The following LOC122539214 variants were observed in gnomAD, a reference collection of about 807,000 sequenced individuals.
At chr19:52,654,370 G>A in the LOC122539214 span, 2 of 1,227,030 alleles carry the variant, frequency 1.6e-6, no homozygotes, top group Non-Finnish European at 2.3e-6. Context: ...GTGCCCTGTT[G>A]ATGAGAACTC....
the LOC122539214 span, among the ~76,000 whole-genome samples, chr19:52,669,748 C>T: frequency 6.6e-6 from 1 of 152,276 alleles, no homozygotes; most frequent in African/African-American, 2.4e-5. Context: ...TCCCTCACAG[C>T]CGTAATGGGT....
At chr19:52,683,258 GTGTGTGTGTGTGTGTGTGTGTGTA>G in the LOC122539214 span, among the ~76,000 whole-genome samples, 1,792 of 113,946 alleles carry the variant, frequency 0.016, 39 homozygotes, top group African/African-American at 0.046. Flanking sequence ...GTGTGTGTGT[GTGTGTGTGTGTGTGTGTGTGTGTA>G]TGCTCACGTG....
At chr19:52,662,297 G>A in the LOC122539214 span, among the ~76,000 whole-genome samples, 1 of 152,176 alleles carries the variant, frequency 6.6e-6, no homozygotes, top group African/African-American at 2.4e-5. Context: ...GGACTGCAAG[G>A]GAATGTGTTC....
the LOC122539214 span, among the ~76,000 whole-genome samples, chr19:52,687,633 G>GTATATATATATA: frequency 7.2e-5 from 2 of 27,846 alleles, no homozygotes; most frequent in Admixed American, 4.3e-4. Flanking sequence ...TATATATAAT[G>GTATATATATATA]TATATATATA....
the LOC122539214 span, among the ~76,000 whole-genome samples, chr19:52,680,079 T>G: frequency 6.6e-6 from 1 of 152,038 alleles, no homozygotes; most frequent in Non-Finnish European, 1.5e-5. Flanking sequence ...CTTGAGAGGC[T>G]GAAGGAGGAG....
At chr19:52,681,417 T>C in the LOC122539214 span, among the ~76,000 whole-genome samples, 3 of 151,886 alleles carry the variant, frequency 2.0e-5, no homozygotes, top group Non-Finnish European at 2.9e-5. Flanking sequence ...TCCAATGAAT[T>C]TGATAGAAAA....
chr19:52,650,852 C>T, the LOC122539214 span: 2 of 152,148 alleles, frequency 1.3e-5, no homozygotes, highest in East Asian at 3.9e-4. Context: ...AACCTGTTTA[C>T]TACAGCAGAA....
chr19:52,687,599 G>GTGTATATATATATATAATGTATATATA, the LOC122539214 span, among the ~76,000 whole-genome samples: 1 of 16,816 alleles, frequency 5.9e-5, no homozygotes, highest in African/African-American at 5.3e-4. Context: ...TATATATAAT[G>GTGTATATATATATATAATGTATATATA]TATATATATA....
the LOC122539214 span, among the ~76,000 whole-genome samples, chr19:52,687,419 TA>T: frequency 1.8e-5 from 1 of 56,730 alleles, no homozygotes; most frequent in Non-Finnish European, 3.4e-5. Flanking sequence ...TAAATTATAA[TA>T]TAAATTATAA....
chr19:52,659,094 C>CT, the LOC122539214 span, among the ~76,000 whole-genome samples: 2 of 152,070 alleles, frequency 1.3e-5, no homozygotes. Flanking sequence ...GGGCAGACCC[C>CT]CGCAGCTAAT....
the LOC122539214 span, among the ~76,000 whole-genome samples, chr19:52,678,517 G>C: frequency 3.3e-5 from 5 of 150,574 alleles, no homozygotes; most frequent in African/African-American, 1.2e-4. Flanking sequence ...GTAAAAACAA[G>C]GGTGTCTCTT....
chr19:52,686,485 T>G, the LOC122539214 span, among the ~76,000 whole-genome samples: 3 of 118,898 alleles, frequency 2.5e-5, no homozygotes, highest in Non-Finnish European at 5.2e-5. Context: ...TATATATAAA[T>G]AAATGAGAAA....
chr19:52,652,475 T>G, the LOC122539214 span: 1 of 431,080 alleles, frequency 2.3e-6, no homozygotes, highest in Non-Finnish European at 4.7e-6. Flanking sequence ...ATCACAGTTG[T>G]GAGGTTCTCT....
the LOC122539214 span, among the ~76,000 whole-genome samples, chr19:52,682,278 A>T: frequency 0.11 from 17,289 of 152,268 alleles, 1,299 homozygotes; most frequent in Non-Finnish European, 0.16. Context: ...CCATCCATGT[A>T]TTCTCCCAAG....
At chr19:52,663,297 G>A in the LOC122539214 span, among the ~76,000 whole-genome samples, 4 of 152,134 alleles carry the variant, frequency 2.6e-5, no homozygotes, top group Non-Finnish European at 4.4e-5. Flanking sequence ...ACAGTAATAC[G>A]TTCAAAATAC....
chr19:52,677,554 C>T, the LOC122539214 span, among the ~76,000 whole-genome samples: 9 of 151,768 alleles, frequency 5.9e-5, no homozygotes, highest in African/African-American at 1.7e-4. Flanking sequence ...AGCAGTTTTA[C>T]GTCTCTTAAA....
chr19:52,651,664 C>T, the LOC122539214 span: 3 of 99,872 alleles, frequency 3.0e-5, no homozygotes, highest in African/African-American at 1.2e-4. Flanking sequence ...GCTTGGGCGA[C>T]AAGAGAAAGA....
the LOC122539214 span, among the ~76,000 whole-genome samples, chr19:52,658,282 T>TGCCTGTAATTTCAGCACTCAC: frequency 5.9e-5 from 9 of 152,090 alleles, no homozygotes; most frequent in African/African-American, 2.2e-4. Flanking sequence ...TTCTGGCTCA[T>TGCCTGTAATTTCAGCACTCAC]GCCTGTAATT....
the LOC122539214 span, among the ~76,000 whole-genome samples, chr19:52,674,015 C>CA: frequency 0.14 from 9,966 of 71,648 alleles, 707 homozygotes; most frequent in Non-Finnish European, 0.19. Flanking sequence ...GACTCCATCT[C>CA]AAAAAAAAAA....
Sources: gnomAD v4.1 joint callset for allele counts (sites outside exome capture counted in the v4.1 genomes callset) on GRCh38, gnomAD v4.1.1 for gene constraint, MANE v1.5 for transcripts.